Variants in GATD1 observed in about 807,000 individuals in gnomAD.
GATD1 encodes the protein glutamine amidotransferase class 1 domain containing 1.
A neutral mutation model predicts 25.9 loss-of-function variants in GATD1; 23 were observed. The ratio of observed to expected loss-of-function variants is 0.89; its 90% confidence interval spans 0.64 to 1.26. The LOEUF (loss-of-function observed/expected upper bound fraction) is 1.26. GATD1 is among the 50% of genes most tolerant of loss of function. The pLI is 0.00. For synonymous variants in GATD1, 177 were observed against 134.6 expected, an observed-to-expected ratio of 1.31 and a Z score of -2.18; for missense variants, 347 against 312.5, an observed-to-expected ratio of 1.11 and a Z score of -0.83.
chr11:777,436 C>G lies in GATD1; in HGVS notation c.27G>C (p.Arg9Ser), dbSNP rs1339643064. 5 of 1,269,072 alleles carry G rather than the reference C, an allele frequency of 3.9e-6. No homozygotes were observed. The African/African-American group carries it at 4.7e-5, about 12-fold the overall frequency. 78.6% of individuals were successfully genotyped at this position (1,269,072 alleles called of 1,614,324 possible). The part of the protein sequence containing the change: MASERLPN[R>S]PACLLVASGA... ...CGCTGGCCACGAGCAGACAGGCGGG[C>G]CTGTTAGGGAGCCGCTCGGACGCCA... Residue 9 changes from arginine (R) to serine (S), a missense_variant, in exon 1 of 8, where the codon AGG becomes AGC. By Grantham distance (110) the Arg-to-Ser change is moderately radical. Transcript: ENST00000319863.
In GATD1 at chr11:772,503, C is replaced by T; in HGVS notation, c.374G>A (p.Gly125Asp). ...ACAGCACAGGGCGGCGACACCGTGG[C>T]CGACGGCGCAGATGGGTTCTGAAAG... ...HSESKPICAVGHGVAALCCAT... is the reference protein window; with the variant it reads ...HSESKPICAVDHGVAALCCAT... Residue 125 changes from glycine (G) to aspartate (D), a missense_variant, in exon 5 of 8, where the codon GGC (glycine) becomes GAC (aspartate). Gly to Asp is a moderately conservative substitution (Grantham distance 94). Coordinates refer to ENST00000319863, the MANE Select transcript of GATD1 (RefSeq NM_182612.4). 6.2e-7 allele frequency: 1 copy of T among 1,611,886 alleles called. No homozygotes were observed. Among genetic ancestry groups the T allele is most frequent in the Non-Finnish European group, 8.5e-7 (1 of 1,179,946 alleles).
rs776401031 is a variant in GATD1, at chr11:772,479, C to T, written c.398G>A (p.Cys133Tyr). ...CCAGGATCTGTCCTCGTTGGTGGCA[C>T]AGCACAGGGCGGCGACACCGTGGCC... ...AVGHGVAALCCATNEDRSWVF... is the reference protein window; with the variant it reads ...AVGHGVAALCYATNEDRSWVF... The change falls in exon 5 of 8, where the codon TGT becomes TAT. Residue 133 changes from cysteine to tyrosine, a missense_variant. Transcript: ENST00000319863. The T allele has an allele frequency of 3.1e-6, 5 of 1,613,108 alleles. No individual in the cohort carries two copies. The highest frequency in any genetic ancestry group is 3.3e-5 in the Admixed American group (2 of 60,020).
Position 769,914 on chromosome 11 carries a change from C to G in GATD1, c.*983G>C. 2 of 990,958 alleles carry G rather than the reference C, an allele frequency of 2.0e-6. No individual in the cohort carries two copies. The highest frequency in any genetic ancestry group is 2.4e-6 in the Non-Finnish European group (2 of 833,810). 61.4% of individuals were successfully genotyped at this position (990,958 alleles called of 1,614,324 possible). Reference sequence around the variant, plus strand: ...TACAGGTGTGAGCCACTGCGCCCGGCCCAACTGAACGGTTTTATAATCACA... The same window carrying G: ...TACAGGTGTGAGCCACTGCGCCCGGGCCAACTGAACGGTTTTATAATCACA... On this transcript the variant is annotated 3_prime_UTR_variant, in exon 8 of 8. Coordinates refer to ENST00000319863, the MANE Select transcript of GATD1 (RefSeq NM_182612.4).
At chr11:777,261 C>T in intron 1 of GATD1, 138 bp downstream of exon 1, 1 of 500,534 alleles carries the variant, frequency 2.0e-6, no homozygotes, top group Non-Finnish European at 2.9e-6. Flanking sequence ...CCGCCCTCCC[C>T]CGGCCCCTGC....
At chr11:775,977 T>TTTTTTG in intron 1 of GATD1, among the ~76,000 whole-genome samples, 1 of 28,594 alleles carries the variant, frequency 3.5e-5, no homozygotes, top group East Asian at 7.8e-4. Flanking sequence ...ATCTTCATTC[T>TTTTTTG]TTTTTTTTTT....
At chr11:772,956 T>G (rs1437672086) in intron 4 of GATD1, among the ~76,000 whole-genome samples, 1 of 152,126 alleles carries the variant, frequency 6.6e-6, no homozygotes, top group Non-Finnish European at 1.5e-5. Context: ...TGCCTTGCAG[T>G]GGGGACATCC....
In GATD1 at chr11:771,422, G is replaced by C. The variant is rs1360927471; in HGVS notation, c.455C>G (p.Ser152Cys). The change falls in exon 6 of 8, where the codon TCT becomes TGT. Residue 152 changes from serine to cysteine, a missense_variant. Ser to Cys is a moderately radical substitution (Grantham distance 112). Coordinates refer to ENST00000319863, the MANE Select transcript of GATD1 (RefSeq NM_182612.4). ...VFDSYSLTGPSVCELVRAPGF... is the reference protein window; with the variant it reads ...VFDSYSLTGPCVCELVRAPGF... The stretch of plus-strand genomic sequence containing the variant: ...GGGGGCCCTGACGAGCTCACACACA[G>C]AGGGCTGCGGGAGCGGGGTGGGGGC... 5 of 1,531,228 alleles carry C rather than the reference G, an allele frequency of 3.3e-6. No individual in the cohort carries two copies. The highest frequency in any genetic ancestry group is 2.8e-5 in the African/African-American group (2 of 72,238). 94.9% of individuals were successfully genotyped at this position (1,531,228 alleles called of 1,614,324 possible).
chr11:768,805 AAAAAC>A lies in GATD1; in HGVS notation c.*2087_*2091del, dbSNP rs1227108692. The A allele has an allele frequency of 6.6e-6, 1 of 152,232 alleles. No homozygotes were observed. The highest frequency in any genetic ancestry group is 1.5e-5 in the Non-Finnish European group (1 of 68,054). 9.4% of individuals were successfully genotyped at this position (152,232 alleles called of 1,614,324 possible). On this transcript the variant is annotated 3_prime_UTR_variant, in exon 8 of 8. Coordinates refer to ENST00000319863, the MANE Select transcript of GATD1 (RefSeq NM_182612.4). ...AACATGATGAAACCCCATCTCTACT[AAAAAC>A]AAAAATTACGCCGGGCGCAGTGGCT...
Position 769,838 on chromosome 11 carries a change from G to A in GATD1, c.*1059C>T, listed in dbSNP as rs1358675532. ...TCACCATGTTAGCCAGGATGGTCTC[G>A]ATCTCCTGACCTCGTGATCCGCCCG... On this transcript the variant is annotated 3_prime_UTR_variant, in exon 8 of 8. Coordinates refer to ENST00000319863, the MANE Select transcript of GATD1 (RefSeq NM_182612.4). The A allele has an allele frequency of 1.2e-5, 9 of 771,754 alleles. No individual in the cohort carries two copies. The highest frequency in any genetic ancestry group is 6.3e-5 in the Admixed American group (1 of 15,870). 47.8% of individuals were successfully genotyped at this position (771,754 alleles called of 1,614,324 possible). A position where few individuals can be genotyped will look rare whatever the true frequency, so the allele number is the denominator to read the frequency against.
At position 767,557 on chromosome 11, in the gene GATD1, G is replaced by A. The variant is rs1311039697; in HGVS notation, c.*3340C>T. On this transcript the variant is annotated 3_prime_UTR_variant, in exon 8 of 8. Transcript: ENST00000319863. ...TTTGATCTTCAATGCTGGGCTCAAT[G>A]TCAGATCTGGCTGACCAGAGGGGCT... 2.1e-6 allele frequency: 3 copies of A among 1,418,318 alleles called. No individual in the cohort carries two copies. The highest frequency in any genetic ancestry group is 2.7e-6 in the Non-Finnish European group (3 of 1,091,648). 87.9% of individuals were successfully genotyped at this position (1,418,318 alleles called of 1,614,324 possible). A position where few individuals can be genotyped will look rare whatever the true frequency, so the allele number is the denominator to read the frequency against.
rs1220164484 is a variant in GATD1 at position 775,075 on chromosome 11, G to A, written c.132C>T (p.Ala44=). 6.2e-7 allele frequency: 1 copy of A among 1,603,420 alleles called. No homozygotes were observed. The highest frequency in any genetic ancestry group is 8.5e-7 in the Non-Finnish European group (1 of 1,176,320). The change falls in exon 2 of 8, where the codon GCC becomes GCT. Residue 44 remains alanine (A), a synonymous_variant. Transcript: ENST00000319863. ...MASTAFNLQV[A]TPGGKAMEFV... ...GAGAGGCTGGACTTACCCCAGGGGTGGCCACCTGCAGGTTGAAGGCGGTGC... is the reference window on the plus strand; with the variant it reads ...GAGAGGCTGGACTTACCCCAGGGGTAGCCACCTGCAGGTTGAAGGCGGTGC...
chr11:772,693 C>T (rs1474981512), intron 4 of GATD1, 172 bp from the exon 5 acceptor site: 4 of 625,416 alleles, frequency 6.4e-6, no homozygotes, highest in African/African-American at 1.8e-5. Context: ...TCAGCCCGCA[C>T]AGCTGGCATC....
rs150994029 is a variant in GATD1 at position 771,397 on chromosome 11, G to A, written c.480C>T (p.Pro160=). 102 of 1,565,648 alleles carry A rather than the reference G, an allele frequency of 6.5e-5. No individual in the cohort carries two copies. Among genetic ancestry groups the A allele is most frequent in the Non-Finnish European group, 7.4e-5 (86 of 1,157,790 alleles). ...CCACGAGCGGCAGGCGGGCGAAGCC[G>A]GGGGCCCTGACGAGCTCACACACAG... ...GPSVCELVRA[P]GFARLPLVVE... is the part of the protein sequence containing the mutation. The change falls in exon 6 of 8, where the codon CCC becomes CCT. Residue 160 remains proline (P), a synonymous_variant. Coordinates refer to ENST00000319863, the MANE Select transcript of GATD1 (RefSeq NM_182612.4).
chr11:775,880 C>A (rs1363500866), intron 1 of GATD1, among the ~76,000 whole-genome samples: 1 of 151,942 alleles, frequency 6.6e-6, no homozygotes, highest in African/African-American at 2.4e-5. Flanking sequence ...TGCCGGAGAG[C>A]ACTTACAAGT....
intron 4 of GATD1, chr11:773,297 G>A (rs535938045): frequency 3.4e-4 from 172 of 509,432 alleles, no homozygotes; most frequent in Non-Finnish European, 4.9e-4. Flanking sequence ...ACCCTCGGGA[G>A]CCCACCCAGA....
intron 4 of GATD1, 55 bp from the exon 5 acceptor site, chr11:772,576 C>T: frequency 6.6e-7 from 1 of 1,520,934 alleles, no homozygotes; most frequent in Non-Finnish European, 9.0e-7. Context: ...CACCCTGAAG[C>T]CCCTCCCAGA....
intron 1 of GATD1, among the ~76,000 whole-genome samples, chr11:775,961 A>AT (rs1863919306): frequency 1.1e-5 from 1 of 91,318 alleles, no homozygotes; most frequent in Non-Finnish European, 2.3e-5. Context: ...CCTCAGCTTC[A>AT]TTTTTATCTT....
At chr11:773,867 T>C in intron 3 of GATD1, 141 bp downstream of exon 3, 2 of 756,078 alleles carry the variant, frequency 2.6e-6, no homozygotes, top group South Asian at 1.8e-5. Context: ...GCCCAGGATG[T>C]GGGGCTGGAG....
chr11:770,091 C>A lies in GATD1; in HGVS notation c.*806G>T. 8.3e-7 allele frequency: 1 copy of A among 1,211,400 alleles called. No individual in the cohort carries two copies. The highest frequency in any genetic ancestry group is 1.0e-6 in the Non-Finnish European group (1 of 974,882). 75.0% of individuals were successfully genotyped at this position (1,211,400 alleles called of 1,614,324 possible). On this transcript the variant is annotated 3_prime_UTR_variant, in exon 8 of 8. Transcript: ENST00000319863. ...AGAGGGCCTAAGCCTCTCCTGGACG[C>A]CCTAACCTGGGGCCAGGGGGCAGCC...
Sources: allele counts gnomAD v4.1 joint callset (sites outside exome capture counted in the v4.1 genomes callset), GRCh38; gene constraint gnomAD v4.1.1; transcripts MANE v1.5; gene names NCBI Gene and HGNC (gene_info 2026-07-23, HGNC 2026-07-21).